The following HMCN1 variants were observed in gnomAD, a reference collection of about 807,000 sequenced individuals.
The protein encoded by HMCN1 is hemicentin-1.
In HMCN1, 321 loss-of-function variants were observed where a neutral mutation model predicts 625.9. That is an observed-to-expected ratio of 0.51 (90% CI 0.47 to 0.56). HMCN1 has a LOEUF of 0.56. Among genes scored for constraint, HMCN1 ranks in the 20% least tolerant of loss-of-function variants. The probability of loss-of-function intolerance (pLI) is 0.00; values close to 1 mark genes in which losing one functional copy is unlikely to be tolerated. For synonymous variants in HMCN1, 2,425 were observed against 2,417.6 expected (o/e 1.00, Z -0.09); for missense variants, 6,588 against 6,887.3 (o/e 0.96, Z 1.54).
chr1:186,188,640 G>A (rs1210532256), intron 106 of HMCN1, among the ~76,000 whole-genome samples: 1 of 152,086 alleles, frequency 6.6e-6, no homozygotes, highest in Non-Finnish European at 1.5e-5. Context: ...TCTTGGATAG[G>A]CCCTGCTAAT....
chr1:186,183,899 C>T (rs987474941), intron 105 of HMCN1, among the ~76,000 whole-genome samples: 26 of 152,052 alleles, frequency 1.7e-4, no homozygotes, highest in African/African-American at 4.8e-4. Flanking sequence ...GAAGGAGTGG[C>T]GATGCCCACA....
At chr1:186,159,214 A>T (rs1383443561) in intron 97 of HMCN1, among the ~76,000 whole-genome samples, 1 of 152,132 alleles carries the variant, frequency 6.6e-6, no homozygotes, top group Non-Finnish European at 1.5e-5. Flanking sequence ...GAGTTCACTC[A>T]TGATTTGGCT....
intron 1 of HMCN1, among the ~76,000 whole-genome samples, chr1:185,752,819 G>A (rs1654901449): frequency 6.6e-6 from 1 of 152,086 alleles, no homozygotes. Context: ...TAGAAAAAAG[G>A]TTATACTTCC....
chr1:186,017,143 C>A (rs1654419458), intron 33 of HMCN1, 72 bp downstream of exon 33: 3 of 809,428 alleles, frequency 3.7e-6, no homozygotes, highest in African/African-American at 3.4e-5. Context: ...ATCTTGAAAG[C>A]TGTTCTGTAT....
chr1:185,954,056 C>G (rs1056289862), intron 11 of HMCN1, among the ~76,000 whole-genome samples: 1 of 151,130 alleles, frequency 6.6e-6, no homozygotes, highest in Admixed American at 6.6e-5. Context: ...AGGCAAGGAC[C>G]GGCCATTTAC....
At chr1:186,041,171 G>A in intron 40 of HMCN1, 35 bp downstream of exon 40, 1 of 1,593,692 alleles carries the variant, frequency 6.3e-7, no homozygotes, top group Non-Finnish European at 8.6e-7. Context: ...TCTTCTGGTA[G>A]AGATATGTTT....
rs116788698 is a variant in HMCN1, at chr1:186,069,545, A to G, written c.7880-118A>G. ...TTATCTTATATCATATGTCCATCAC[A>G]GAATTGTCATATGTAAAAAGAAATA... On this transcript the variant is annotated intron_variant, in intron 50 of 106. Transcript: ENST00000271588. 6.9e-3 allele frequency: 4,969 copies of G among 722,804 alleles called. 26 individuals carry two copies. Among genetic ancestry groups the G allele is most frequent in the Non-Finnish European group, 9.2e-3 (3,665 of 397,894 alleles). The allele number at this position is 722,804 out of a possible 1,614,324, so 44.8% of individuals were successfully genotyped here.
At chr1:185,785,507 C>T (rs1189059021) in intron 1 of HMCN1, among the ~76,000 whole-genome samples, 1 of 152,160 alleles carries the variant, frequency 6.6e-6, no homozygotes, top group African/African-American at 2.4e-5. Flanking sequence ...TGCTCAGTTT[C>T]AAACTGCTAA....
chr1:185,852,851 A>G (rs1056111789), intron 2 of HMCN1, among the ~76,000 whole-genome samples: 26 of 152,098 alleles, frequency 1.7e-4, no homozygotes, highest in Admixed American at 1.3e-4. Flanking sequence ...GTGCCTTGCA[A>G]AAGGTTTTGC....
chr1:185,938,912 A>G (rs1389361325), intron 11 of HMCN1, among the ~76,000 whole-genome samples: 1 of 152,186 alleles, frequency 6.6e-6, no homozygotes. Context: ...AGATGCAAGT[A>G]GTTTTGAAAA....
chr1:186,151,006 GT>G (rs1235231394), intron 93 of HMCN1, among the ~76,000 whole-genome samples, 193 bp from the exon 94 acceptor site: 1 of 152,162 alleles, frequency 6.6e-6, no homozygotes, highest in Non-Finnish European at 1.5e-5. Flanking sequence ...AGATTTATGG[GT>G]GATGATGGTT....
intron 1 of HMCN1, among the ~76,000 whole-genome samples, chr1:185,758,012 T>C (rs2102113442): frequency 6.6e-6 from 1 of 152,326 alleles, no homozygotes; most frequent in Non-Finnish European, 1.5e-5. Context: ...GTAAAAATGA[T>C]TTAAAAAATC....
chr1:185,790,133 G>C (rs1056474690), intron 1 of HMCN1, among the ~76,000 whole-genome samples: 1 of 152,180 alleles, frequency 6.6e-6, no homozygotes, highest in Non-Finnish European at 1.5e-5. Flanking sequence ...CAAAAACAGT[G>C]AGAACAAAAA....
At chr1:185,975,889 C>G (rs1389349015) in intron 15 of HMCN1, among the ~76,000 whole-genome samples, 1 of 149,738 alleles carries the variant, frequency 6.7e-6, no homozygotes, top group Non-Finnish European at 1.5e-5. Flanking sequence ...ATGCACCAGA[C>G]ACACACACAC....
chr1:186,130,876 A>G (rs113978589), intron 85 of HMCN1, among the ~76,000 whole-genome samples, 179 bp downstream of exon 85: 274 of 152,344 alleles, frequency 1.8e-3, no homozygotes, highest in African/African-American at 6.3e-3. Flanking sequence ...GCCCTTTCAA[A>G]TAAGTGCAGT....
rs761654741 is a variant in HMCN1, at chr1:186,175,610, G to A, written c.15943+968G>A. ...TTTAACATCTTGATCAGCCATAACC[G>A]TGACTTTTCAGAATGAAATAGTTGT... On this transcript the variant is annotated intron_variant, in intron 103 of 106. Coordinates refer to ENST00000271588, the MANE Select transcript of HMCN1 (RefSeq NM_031935.3). Among the ~76,000 whole-genome samples the A allele has an allele frequency of 1.5e-4, 23 of 151,990 alleles. 1 individual carries two copies. Among genetic ancestry groups the A allele is most frequent in the Admixed American group, 1.3e-3 (20 of 15,258 alleles).
chr1:185,856,508 A>AT (rs966940945), intron 2 of HMCN1, among the ~76,000 whole-genome samples: 17 of 151,028 alleles, frequency 1.1e-4, no homozygotes, highest in East Asian at 7.8e-4. Flanking sequence ...AAAAAAGGAA[A>AT]TTTTTTTTTG....
At chr1:185,954,581 A>T (rs1649482885) in intron 11 of HMCN1, among the ~76,000 whole-genome samples, 1 of 152,144 alleles carries the variant, frequency 6.6e-6, no homozygotes, top group African/African-American at 2.4e-5. Flanking sequence ...ATTCCTTTTG[A>T]CCACAAATCC....
chr1:186,005,896 G>A (rs922260077), intron 29 of HMCN1, among the ~76,000 whole-genome samples: 16 of 152,148 alleles, frequency 1.1e-4, no homozygotes, highest in Admixed American at 7.9e-4. Flanking sequence ...AGCACTTTGG[G>A]AGGCCAAGGC....
Sources: allele counts gnomAD v4.1 joint callset (sites outside exome capture counted in the v4.1 genomes callset), GRCh38; gene constraint gnomAD v4.1.1; transcripts MANE v1.5; gene names NCBI Gene and HGNC (gene_info 2026-07-23, HGNC 2026-07-21).